The following DLGAP2 variants were observed in gnomAD, a reference collection of about 807,000 sequenced individuals.
DLGAP2 encodes the protein disks large-associated protein 2.
Under a neutral mutation model 100.3 loss-of-function variants are expected in DLGAP2, and 26 were observed. The observed-to-expected ratio is 0.26, with a 90% CI of 0.19 to 0.36. The LOEUF (loss-of-function observed/expected upper bound fraction) is 0.36. Ranked by LOEUF, DLGAP2 falls within the 10% of genes least tolerant of loss-of-function variation. The probability of loss-of-function intolerance (pLI) is 1.00; values close to 1 mark genes in which losing one functional copy is unlikely to be tolerated. For missense variants in DLGAP2, 1,858 were observed against 1,453.2 expected (o/e 1.28, Z -4.53); for synonymous variants, 886 against 630.1 (o/e 1.41, Z -6.08).
rs201721317 is a variant in DLGAP2, at chr8:1,668,605, C to A, written c.2087C>A (p.Thr696Asn). The change falls in exon 9 of 15, where the codon ACC becomes AAC. Residue 696 changes from threonine to asparagine, a missense_variant. Physicochemically the swap from Thr to Asn is moderately conservative, Grantham distance 65. Transcript: ENST00000637795. ...LPESQSSSVR[T>N]SDKAILVSKA... ...GAGAGCCAGAGCAGCTCTGTGCGGA[C>A]CAGCGACAAGGCCATCCTGGTGTCC... 1 of 1,600,386 alleles carries A rather than the reference C, an allele frequency of 6.2e-7. No individual in the cohort carries two copies. Among genetic ancestry groups the A allele is most frequent in the East Asian group, 2.3e-5 (1 of 44,124 alleles).
At chr8:859,517 C>T (rs566708157) in intron 1 of DLGAP2, among the ~76,000 whole-genome samples, 7 of 152,144 alleles carry the variant, frequency 4.6e-5, no homozygotes, top group Non-Finnish European at 7.3e-5. Flanking sequence ...CTCCATTCTT[C>T]TAACTCTGTG....
rs907579167 is a variant in DLGAP2, at chr8:1,701,426, C to A, written c.*20C>A. 4.5e-6 allele frequency: 7 copies of A among 1,560,154 alleles called. No homozygotes were observed. Among genetic ancestry groups the A allele is most frequent in the Non-Finnish European group, 6.1e-6 (7 of 1,153,848 alleles). The stretch of plus-strand genomic sequence containing the variant: ...CTCTGAGGGCGGAGGCCGGCGCCTT[C>A]CCCTCGTCGCTTCCGCTTTCCCGGA... On this transcript the variant is annotated 3_prime_UTR_variant, in exon 15 of 15. Coordinates refer to ENST00000637795, the MANE Select transcript of DLGAP2 (RefSeq NM_001346810.2).
At chr8:1,240,057 C>G (rs62487809) in intron 2 of DLGAP2, among the ~76,000 whole-genome samples, 4 of 140,204 alleles carry the variant, frequency 2.9e-5, no homozygotes, top group Non-Finnish European at 6.4e-5. Flanking sequence ...CACATGGCGC[C>G]GTGTCTAGTT....
At chr8:1,587,352 T>C (rs779344354) in intron 6 of DLGAP2, among the ~76,000 whole-genome samples, 3 of 152,194 alleles carry the variant, frequency 2.0e-5, no homozygotes, top group Non-Finnish European at 4.4e-5. Flanking sequence ...AATGGTGATC[T>C]GGGGTGAGGC....
intron 2 of DLGAP2, among the ~76,000 whole-genome samples, chr8:1,088,576 G>T (rs374075154): frequency 4.9e-4 from 74 of 152,256 alleles, no homozygotes; most frequent in African/African-American, 1.7e-3. Flanking sequence ...AGGAAATTTA[G>T]CTGTGGCTTC....
At chr8:1,007,188 A>T (rs1199049595) in intron 2 of DLGAP2, among the ~76,000 whole-genome samples, 1 of 152,084 alleles carries the variant, frequency 6.6e-6, no homozygotes, top group African/African-American at 2.4e-5. Context: ...GTGGTCCTTT[A>T]TCATGTCGGG....
intron 2 of DLGAP2, among the ~76,000 whole-genome samples, chr8:1,077,780 A>G (rs891440898): frequency 5.3e-5 from 8 of 152,228 alleles, no homozygotes; most frequent in African/African-American, 1.9e-4. Flanking sequence ...GGCATAGTTT[A>G]TCAAACTCCC....
chr8:1,106,771 G>C (rs112836607), intron 2 of DLGAP2, among the ~76,000 whole-genome samples: 1 of 151,534 alleles, frequency 6.6e-6, no homozygotes, highest in Non-Finnish European at 1.5e-5. Context: ...CATTCTAGGA[G>C]GGTTTTCTAT....
At chr8:1,022,709 G>A (rs1164814292) in intron 2 of DLGAP2, among the ~76,000 whole-genome samples, 11 of 121,678 alleles carry the variant, frequency 9.0e-5, no homozygotes, top group African/African-American at 2.9e-4. Context: ...CCTCCCTGGG[G>A]GTGGACAGTA....
intron 2 of DLGAP2, among the ~76,000 whole-genome samples, chr8:1,020,151 G>A (rs1801588187): frequency 6.6e-6 from 1 of 152,160 alleles, no homozygotes; most frequent in African/African-American, 2.4e-5. Context: ...ACAGTGGCCT[G>A]ACTTTTATTG....
intron 2 of DLGAP2, among the ~76,000 whole-genome samples, chr8:1,224,429 T>C (rs905278908): frequency 1.4e-4 from 21 of 152,340 alleles, no homozygotes; most frequent in African/African-American, 4.8e-4. Flanking sequence ...TACATATTTA[T>C]GTACAAGTTC....
intron 3 of DLGAP2, among the ~76,000 whole-genome samples, chr8:1,441,683 CAAAAAAAAAAA>C (rs35789497): frequency 2.7e-5 from 2 of 74,584 alleles, no homozygotes; most frequent in Admixed American, 1.4e-4. Context: ...GACTCCATCT[CAAAAAAAAAAA>C]AAAAAAAAGT....
chr8:1,662,027 C>T (rs1798420656), intron 8 of DLGAP2, among the ~76,000 whole-genome samples: 3 of 152,190 alleles, frequency 2.0e-5, no homozygotes, highest in Non-Finnish European at 1.5e-5. Flanking sequence ...AGCAAGACCT[C>T]AGGGGAAGTA....
At chr8:1,448,182 G>T (rs951049607) in intron 3 of DLGAP2, among the ~76,000 whole-genome samples, 1 of 152,160 alleles carries the variant, frequency 6.6e-6, no homozygotes, top group Non-Finnish European at 1.5e-5. Flanking sequence ...TGACATTAGG[G>T]TGTTGATTTT....
intron 1 of DLGAP2, among the ~76,000 whole-genome samples, chr8:831,865 C>T (rs1410605015): frequency 1.3e-5 from 2 of 152,020 alleles, no homozygotes; most frequent in African/African-American, 2.4e-5. Context: ...TCCACAGCCT[C>T]GCCCACATCT....
chr8:1,626,403 C>A (rs11994787), intron 6 of DLGAP2, among the ~76,000 whole-genome samples: 49 of 116,338 alleles, frequency 4.2e-4, no homozygotes, highest in African/African-American at 1.8e-3. Flanking sequence ...CTGTTCCCAT[C>A]TCTACCCTGC....
intron 2 of DLGAP2, among the ~76,000 whole-genome samples, chr8:1,191,571 C>T (rs1365917936): frequency 1.3e-5 from 2 of 152,188 alleles, no homozygotes; most frequent in Admixed American, 6.5e-5. Flanking sequence ...TGAAAATCCG[C>T]CCTCTGCACT....
chr8:1,269,745 C>G (rs764081248), intron 3 of DLGAP2, among the ~76,000 whole-genome samples: 12 of 152,138 alleles, frequency 7.9e-5, no homozygotes, highest in African/African-American at 2.2e-4. Flanking sequence ...AGAACTCAAG[C>G]TGTGAACCTA....
chr8:1,454,217 G>T (rs1006070925), intron 3 of DLGAP2, among the ~76,000 whole-genome samples: 1 of 152,178 alleles, frequency 6.6e-6, no homozygotes, highest in Non-Finnish European at 1.5e-5. Context: ...ACAGCCGCCC[G>T]GCAGGATGTC....
Sources: allele counts gnomAD v4.1 joint callset (sites outside exome capture counted in the v4.1 genomes callset), GRCh38; gene constraint gnomAD v4.1.1; transcripts MANE v1.5; gene names NCBI Gene and HGNC (gene_info 2026-07-23, HGNC 2026-07-21).